Variants in ACP5 observed in about 807,000 individuals in gnomAD.
The protein encoded by ACP5 is tartrate-resistant acid phosphatase type 5.
A neutral mutation model predicts 28.7 loss-of-function variants in ACP5; 24 were observed. That is an observed-to-expected ratio of 0.84 (90% confidence interval 0.61 to 1.18). The LOEUF is 1.18. Ranked by LOEUF, ACP5 falls within the 50% of genes most tolerant of loss-of-function variation. The pLI is 0.00. For synonymous variants in ACP5, 154 were observed against 181.4 expected (o/e 0.85, Z 1.21); for missense variants, 354 against 422.2 (o/e 0.84, Z 1.42).
Position 11,575,174 on chromosome 19 carries a change from G to C in ACP5, c.814C>G (p.Arg272Gly), listed in dbSNP as rs147025508. ...NFMDPSKRHQ[R>G]KVPNGYLRFH... ...CGCAGATAGCCGTTGGGGACCTTGC[G>C]CTGGTGCCGCTTTGAGGGGTCCATG... Residue 272 changes from arginine to glycine, a missense_variant, in exon 5 of 5, where the codon CGC becomes GGC. Transcript: ENST00000648477. 5.6e-6 allele frequency: 9 copies of C among 1,614,124 alleles called. No homozygotes were observed. Among genetic ancestry groups the C allele is most frequent in the Non-Finnish European group, 7.6e-6 (9 of 1,180,036 alleles).
In ACP5 at chr19:11,575,070, G is replaced by A. The variant is rs753667759; in HGVS notation, c.918C>T (p.Tyr306=). Residue 306 remains tyrosine (Y), a synonymous_variant, in exon 5 of 5, where the codon TAC becomes TAT. Coordinates refer to ENST00000648477, the MANE Select transcript of ACP5 (RefSeq NM_001611.5). ...EISSKEMTVT[Y]IEASGKSLFK... is the part of the protein sequence containing the mutation. ...AGAGGGACTTGCCCGAGGCCTCGAT[G>A]TAAGTGACAGTCATCTCTTTGGAGC... The A allele has an allele frequency of 4.3e-6, 7 of 1,614,098 alleles. No homozygotes were observed. In the African/African-American group the frequency reaches 5.3e-5, roughly 12 times the overall value.
chr19:11,576,618 C>A, intron 3 of ACP5, 30 bp from the exon 4 acceptor site: 1 of 1,613,544 alleles, frequency 6.2e-7, no homozygotes, highest in Non-Finnish European at 8.5e-7. Flanking sequence ...CGTGGGTGCA[C>A]ATCTTGGGCG....
rs1973212335 is a variant in ACP5, at chr19:11,577,392, C to T, written c.1-75G>A. On this transcript the variant is annotated intron_variant, in intron 1 of 4. Transcript: ENST00000648477. The surrounding 1 kb of genome is among the most constrained non-coding windows in gnomAD (Gnocchi z 5.7). The stretch of plus-strand genomic sequence containing the variant: ...GGAGGCCTTGAGACCCCCGCCTGCC[C>T]TGAGATAGAGGGAGACTGCTTGCTG... 6.5e-7 allele frequency: 1 copy of T among 1,531,316 alleles called. No homozygotes were observed. The highest frequency in any genetic ancestry group is 8.9e-7 in the Non-Finnish European group (1 of 1,123,976). The allele number at this position is 1,531,316 out of a possible 1,614,324, so 94.9% of individuals were successfully genotyped here. A position where few individuals can be genotyped will look rare whatever the true frequency, so the allele number is the denominator to read the frequency against.
chr19:11,576,103 C>T, intron 4 of ACP5, 140 bp downstream of exon 4: 2 of 629,732 alleles, frequency 3.2e-6, no homozygotes, highest in African/African-American at 1.8e-5. Flanking sequence ...CCTGGTTAGA[C>T]AGCAAGATTT....
chr19:11,578,867 C>A (rs1973272644), upstream of ACP5: 1 of 152,296 alleles, frequency 6.6e-6, no homozygotes, highest in Admixed American at 6.5e-5. Flanking sequence ...GCGGGCGTTG[C>A]GGCCGGTGCC....
At position 11,577,554 on chromosome 19, in the gene ACP5, C is replaced by T; in HGVS notation, c.-1+39G>A. On this transcript the variant is annotated intron_variant, in intron 1 of 4. Coordinates refer to ENST00000648477, the MANE Select transcript of ACP5 (RefSeq NM_001611.5). This position sits in a 1 kb window ranked among gnomAD's most constrained non-coding sequence, Gnocchi z 5.7. The stretch of plus-strand genomic sequence containing the variant: ...CTGTACCAAGATGGCCCTGCAGGCC[C>T]ATTTCACCCTCCTTCCACCTAGCCT... 3 of 597,082 alleles carry T rather than the reference C, an allele frequency of 5.0e-6. No individual in the cohort carries two copies. Among genetic ancestry groups the T allele is most frequent in the East Asian group, 2.8e-5 (1 of 35,288 alleles). 37.0% of individuals were successfully genotyped at this position (597,082 alleles called of 1,614,324 possible).
Position 11,577,433 on chromosome 19 carries a change from G to A in ACP5, c.1-116C>T. Reference sequence around the variant, plus strand: ...CTGCTTGCTGCAGGCTGCCCCTGCGGGAACCCCTTGGTGCCCTAATTCTCA... The same window carrying A: ...CTGCTTGCTGCAGGCTGCCCCTGCGAGAACCCCTTGGTGCCCTAATTCTCA... On this transcript the variant is annotated intron_variant, in intron 1 of 4. Coordinates refer to ENST00000648477, the MANE Select transcript of ACP5 (RefSeq NM_001611.5). This position sits in a 1 kb window ranked among gnomAD's most constrained non-coding sequence, Gnocchi z 5.7. 8.3e-7 allele frequency: 1 copy of A among 1,199,444 alleles called. No homozygotes were observed. Among genetic ancestry groups the A allele is most frequent in the South Asian group, 1.3e-5 (1 of 76,288 alleles). 74.3% of individuals were successfully genotyped at this position (1,199,444 alleles called of 1,614,324 possible). A position where few individuals can be genotyped will look rare whatever the true frequency, so the allele number is the denominator to read the frequency against.
At position 11,576,506 on chromosome 19, in the gene ACP5, C is replaced by T. The variant is rs1973160929; in HGVS notation, c.472G>A (p.Val158Met). Reference sequence around the variant, plus strand: ...TCATCTGAGTTGCCACATAGTGTCACTGTGTCCAGCATAAAAATGGCCACA... The same window carrying T: ...TCATCTGAGTTGCCACATAGTGTCATTGTGTCCAGCATAAAAATGGCCACA... ...VSVAIFMLDT[V>M]TLCGNSDDFL... The change falls in exon 4 of 5, where the codon GTG (valine) becomes ATG (methionine). Residue 158 changes from valine (V) to methionine (M), a missense_variant. By Grantham distance (21) the Val-to-Met change is conservative (BLOSUM62 1). Coordinates refer to ENST00000648477, the MANE Select transcript of ACP5 (RefSeq NM_001611.5). 1.2e-6 allele frequency: 2 copies of T among 1,614,054 alleles called. No individual in the cohort carries two copies. The highest frequency in any genetic ancestry group is 2.2e-5 in the East Asian group (1 of 44,888).
At chr19:11,575,628 C>A (rs1435237379) in intron 4 of ACP5, 2 of 282,736 alleles carry the variant, frequency 7.1e-6, no homozygotes, top group Non-Finnish European at 1.4e-5. Flanking sequence ...GAGGCCGAGG[C>A]GGGCAGATCA....
chr19:11,577,967 G>C (rs1233413600), upstream of ACP5: 4 of 165,384 alleles, frequency 2.4e-5, no homozygotes, highest in African/African-American at 9.6e-5. The surrounding 1 kb of genome is among the most constrained non-coding windows in gnomAD (Gnocchi z 5.7). Context: ...GAGAGGCTGT[G>C]GCTGTGATTA....
Position 11,576,585 on chromosome 19 carries a change from G to C in ACP5, c.393C>G (p.Asn131Lys), listed in dbSNP as rs767853623. ...IAYSKISKRWNFPSPFYRLHF... is the reference protein window; with the variant it reads ...IAYSKISKRWKFPSPFYRLHF... ...GCAGGCGGTAGAAAGGGCTGGGGAA[G>C]TTCCTGTGGAGGGGATAGAGGTCGT... is the stretch of plus-strand genomic sequence containing the variant. Residue 131 changes from asparagine to lysine, a missense_variant, in exon 4 of 5, where the codon AAC (asparagine) becomes AAG (lysine). Asn to Lys is a moderately conservative substitution (Grantham distance 94, BLOSUM62 0). Transcript: ENST00000648477. The C allele has an allele frequency of 1.2e-5, 19 of 1,613,758 alleles. No homozygotes were observed. The Admixed American group carries it at 3.2e-4, about 27-fold the overall frequency.
chr19:11,576,122 G>T, intron 4 of ACP5, 121 bp downstream of exon 4: 2 of 790,244 alleles, frequency 2.5e-6, no homozygotes, highest in Non-Finnish European at 4.2e-6. Flanking sequence ...TTGAGGGACA[G>T]TCTAGACATT....
chr19:11,577,932 TGA>T, upstream of ACP5: 1 of 189,622 alleles, frequency 5.3e-6, no homozygotes, highest in Non-Finnish European at 1.1e-5. The surrounding 1 kb of genome is among the most constrained non-coding windows in gnomAD (Gnocchi z 5.7). Flanking sequence ...TATCTCAGTG[TGA>T]GTGTGTGTGT....
Position 11,577,287 on chromosome 19 carries a change from G to A in ACP5, c.31C>T (p.Gln11Ter). 1 of 1,614,098 alleles carries A rather than the reference G, an allele frequency of 6.2e-7. No homozygotes were observed. Among genetic ancestry groups the A allele is most frequent in the Non-Finnish European group, 8.5e-7 (1 of 1,179,958 alleles). MDMWTALLIL[Q>*]ALLLPSLADG... ...GCCAGGGAGGGTAGCAACAAGGCTT[G>A]CAGGATGAGCAGCGCCGTCCACATG... Residue 11 changes from glutamine (Q) to a stop codon, truncating the protein, a stop_gained, in exon 2 of 5, where the codon CAA (glutamine) becomes TAA (stop). Coordinates refer to ENST00000648477, the MANE Select transcript of ACP5 (RefSeq NM_001611.5). LOFTEE classifies it high-confidence loss of function. This position sits in a 1 kb window ranked among gnomAD's most constrained non-coding sequence, Gnocchi z 5.7.
chr19:11,575,948 A>G (rs984885782), intron 4 of ACP5, among the ~76,000 whole-genome samples: 1 of 146,612 alleles, frequency 6.8e-6, no homozygotes, highest in Admixed American at 7.0e-5. Flanking sequence ...AAGCTGCAGT[A>G]AGCCCCGATT....
At chr19:11,575,419 A>G (rs1416693119) in intron 4 of ACP5, 167 bp from the exon 5 acceptor site, 1 of 799,144 alleles carries the variant, frequency 1.3e-6, no homozygotes, top group African/African-American at 1.7e-5. Context: ...TTTCATAGGT[A>G]GAGCACTTAG....
In ACP5 at chr19:11,576,781, G is replaced by T; in HGVS notation, c.324C>A (p.Ala108=). ...SLRKVPWYVL[A]GNHDHLGNVS... is the part of the protein sequence containing the mutation. ...CATTGCCAAGGTGGTCATGGTTTCC[G>T]GCTAGCACGTACCAGGGCACTTTGC... The change falls in exon 3 of 5, where the codon GCC becomes GCA. Residue 108 remains alanine, a synonymous_variant. Transcript: ENST00000648477. The T allele has an allele frequency of 6.2e-7, 1 of 1,614,074 alleles. No homozygotes were observed. The highest frequency in any genetic ancestry group is 8.5e-7 in the Non-Finnish European group (1 of 1,180,002).
At chr19:11,575,285 C>A (rs1434077478) in intron 4 of ACP5, 33 bp from the exon 5 acceptor site, 5 of 1,612,480 alleles carry the variant, frequency 3.1e-6, no homozygotes, top group Admixed American at 3.3e-5. Context: ...CAGTGGAGAC[C>A]CAGCTTTGAG....
intron 2 of ACP5, 58 bp downstream of exon 2, chr19:11,576,999 A>G (rs758032450): frequency 6.2e-7 from 1 of 1,611,798 alleles, no homozygotes; most frequent in Non-Finnish European, 8.5e-7. Flanking sequence ...TCACTAGGTA[A>G]GGCGGCTTCT....
Sources: gnomAD v4.1 joint callset for allele counts (sites outside exome capture counted in the v4.1 genomes callset) on GRCh38, gnomAD v4.1.1 for gene constraint, Gnocchi (gnomAD v3.1) non-coding constraint, MANE v1.5 for transcripts, NCBI Gene and HGNC (gene_info 2026-07-23, HGNC 2026-07-21) for gene names.